Variants in TRHDE observed in about 807,000 individuals in gnomAD.
TRHDE encodes the protein thyrotropin-releasing hormone-degrading ectoenzyme.
In TRHDE, 72 loss-of-function variants were observed where a neutral mutation model predicts 125.7. The observed-to-expected ratio is 0.57, with a 90% CI of 0.47 to 0.70. The LOEUF (loss-of-function observed/expected upper bound fraction) is 0.70. Among genes scored for constraint, TRHDE ranks in the 30% least tolerant of loss-of-function variants. The pLI, the probability that TRHDE is intolerant of heterozygous loss-of-function variation, is 0.00. For missense variants in TRHDE, 1,110 were observed against 1,327.1 expected (o/e 0.84, Z 2.54); for synonymous variants, 509 against 509.1 (o/e 1.00, Z 0.00).
At chr12:72,240,907 C>T (rs563766656) in intron 2 of TRHDE, among the ~76,000 whole-genome samples, 22 of 152,076 alleles carry the variant, frequency 1.4e-4, no homozygotes, top group Non-Finnish European at 2.8e-4. Context: ...CAAATTTATC[C>T]GGGCATTATT....
chr12:72,535,966 T>A (rs1472702822), intron 6 of TRHDE, among the ~76,000 whole-genome samples: 1 of 152,146 alleles, frequency 6.6e-6, no homozygotes, highest in Non-Finnish European at 1.5e-5. Flanking sequence ...ACTCAACAAC[T>A]GAGTGAATGG....
intron 2 of TRHDE, among the ~76,000 whole-genome samples, chr12:72,187,389 T>C (rs1217450365): frequency 1.4e-5 from 2 of 143,606 alleles, no homozygotes; most frequent in African/African-American, 5.2e-5. Context: ...ATTTGCAAGC[T>C]GGAGTACCAA....
chr12:72,370,768 A>T (rs1871544013), intron 2 of TRHDE, among the ~76,000 whole-genome samples: 1 of 150,274 alleles, frequency 6.7e-6, no homozygotes, highest in African/African-American at 2.5e-5. Context: ...TTTGAGATGG[A>T]GTCTTGCTCT....
intron 2 of TRHDE, among the ~76,000 whole-genome samples, chr12:72,183,857 T>A (rs764408517): frequency 6.6e-6 from 1 of 152,222 alleles, no homozygotes; most frequent in Non-Finnish European, 1.5e-5. Flanking sequence ...TTTAAAATCC[T>A]GATATTATGG....
At chr12:72,520,160 G>T (rs935006808) in intron 6 of TRHDE, among the ~76,000 whole-genome samples, 10 of 152,202 alleles carry the variant, frequency 6.6e-5, no homozygotes, top group Non-Finnish European at 1.3e-4. Flanking sequence ...GAGCTGTGGT[G>T]GGCTCCACCC....
chr12:72,380,920 G>A (rs1214684453), intron 3 of TRHDE, among the ~76,000 whole-genome samples: 1 of 146,354 alleles, frequency 6.8e-6, no homozygotes, highest in African/African-American at 2.5e-5. Context: ...CTTGTTTTGT[G>A]AGATGGAAAT....
chr12:72,109,123 A>G (rs150092918), intron 2 of TRHDE, among the ~76,000 whole-genome samples: 445 of 152,160 alleles, frequency 2.9e-3, no homozygotes, highest in Non-Finnish European at 4.5e-3. Flanking sequence ...ATTGCCTACT[A>G]TGTGCTAGGC....
intron 12 of TRHDE, among the ~76,000 whole-genome samples, chr12:72,589,626 T>G (rs905209669): frequency 6.6e-6 from 1 of 152,322 alleles, no homozygotes; most frequent in East Asian, 1.9e-4. Flanking sequence ...GTTCAAATTT[T>G]GTTTCTTCTT....
At chr12:72,169,322 G>A (rs1876819837) in intron 2 of TRHDE, among the ~76,000 whole-genome samples, 1 of 152,094 alleles carries the variant, frequency 6.6e-6, no homozygotes, top group African/African-American at 2.4e-5. Context: ...ACCTCCCCCA[G>A]ATGTTTCTGA....
intron 2 of TRHDE, among the ~76,000 whole-genome samples, chr12:72,109,014 G>A (rs1875253285): frequency 6.6e-6 from 1 of 152,022 alleles, no homozygotes; most frequent in Non-Finnish European, 1.5e-5. Context: ...GTTGCAGAGA[G>A]GTCCATAGGT....
intron 7 of TRHDE, among the ~76,000 whole-genome samples, chr12:72,558,757 C>A (rs914295099): frequency 1.3e-5 from 2 of 152,012 alleles, no homozygotes; most frequent in African/African-American, 4.8e-5. Context: ...AAAGGGTGAT[C>A]AAGGCATCAA....
At chr12:72,469,528 A>G (rs1430444241) in intron 3 of TRHDE, among the ~76,000 whole-genome samples, 1 of 152,222 alleles carries the variant, frequency 6.6e-6, no homozygotes, top group Non-Finnish European at 1.5e-5. Flanking sequence ...AGCTACCTAT[A>G]GCACTGGGCT....
At chr12:72,185,469 C>T (rs1211639797) in intron 2 of TRHDE, among the ~76,000 whole-genome samples, 1 of 152,234 alleles carries the variant, frequency 6.6e-6, no homozygotes, top group African/African-American at 2.4e-5. Flanking sequence ...CCACCTGCAG[C>T]CCCTGTGCGG....
chr12:72,378,868 CT>C (rs748582478), intron 3 of TRHDE, among the ~76,000 whole-genome samples: 8 of 152,148 alleles, frequency 5.3e-5, no homozygotes, highest in Non-Finnish European at 1.2e-4. Context: ...GAGGCTGCTG[CT>C]TTTGCCAGGG....
intron 6 of TRHDE, 41 bp from the exon 7 acceptor site, chr12:72,542,250 C>G (rs772632755): frequency 6.8e-7 from 1 of 1,465,306 alleles, no homozygotes; most frequent in Non-Finnish European, 9.3e-7. Context: ...AATCATGATA[C>G]TTTGTTGAAA....
intron 15 of TRHDE, among the ~76,000 whole-genome samples, chr12:72,625,754 A>G (rs1306944919): frequency 3.9e-5 from 6 of 151,948 alleles, no homozygotes; most frequent in African/African-American, 1.4e-4. Context: ...ATATGATAAT[A>G]GGTGGTAGAG....
At chr12:72,656,791 TG>T (rs1345140252) in intron 17 of TRHDE, 135 bp from the exon 18 acceptor site, 3 of 646,162 alleles carry the variant, frequency 4.6e-6, no homozygotes, top group Non-Finnish European at 8.3e-6. Context: ...GAAATGGGCT[TG>T]AGTGCTCAGA....
intron 2 of TRHDE, among the ~76,000 whole-genome samples, chr12:72,289,634 A>C (rs1880015319): frequency 6.6e-6 from 1 of 152,222 alleles, no homozygotes; most frequent in Non-Finnish European, 1.5e-5. Context: ...TTATTCCTTC[A>C]ACAAGTATTT....
At chr12:72,622,992 C>T (rs1041721097) in intron 15 of TRHDE, among the ~76,000 whole-genome samples, 1 of 151,908 alleles carries the variant, frequency 6.6e-6, no homozygotes, top group African/African-American at 2.4e-5. Context: ...TCTCTAGAAC[C>T]AAACTGTACC....
Sources: gnomAD v4.1 joint callset for allele counts (sites outside exome capture counted in the v4.1 genomes callset) on GRCh38, gnomAD v4.1.1 for gene constraint, MANE v1.5 for transcripts, NCBI Gene and HGNC (gene_info 2026-07-23, HGNC 2026-07-21) for gene names.